GSDMC: variants seen among roughly 807,000 people sequenced by gnomAD.
GSDMC encodes the protein gasdermin C.
In GSDMC, 59 loss-of-function variants were observed where a neutral mutation model predicts 58.0. That is an observed-to-expected ratio of 1.02 (90% CI 0.82 to 1.26). The LOEUF (loss-of-function observed/expected upper bound fraction) is 1.26, where lower values mean the gene tolerates loss of function less well. Among genes scored for constraint, GSDMC ranks in the 50% most tolerant of loss-of-function variants. The probability of loss-of-function intolerance (pLI) is 0.00; values close to 1 mark genes in which losing one functional copy is unlikely to be tolerated. For synonymous variants in GSDMC, 241 were observed against 220.2 expected, an observed-to-expected ratio of 1.09 and a Z score of -0.83; for missense variants, 659 against 598.5, an observed-to-expected ratio of 1.10 and a Z score of -1.06.
chr8:129,762,763 A>G (rs1407608982), intron 4 of GSDMC, 32 bp from the exon 5 acceptor site: 2 of 1,421,764 alleles, frequency 1.4e-6, no homozygotes, highest in Non-Finnish European at 2.0e-6. Context: ...TACAGTATTA[A>G]ATGTATGTAA....
chr8:129,751,646 T>A, intron 9 of GSDMC, 78 bp from the exon 10 acceptor site: 1 of 1,332,342 alleles, frequency 7.5e-7, no homozygotes, highest in Non-Finnish European at 1.1e-6. Flanking sequence ...AGGGTTCTGC[T>A]CTCCTACCAC....
the GSDMC span, among the ~76,000 whole-genome samples, chr8:129,720,667 T>G: frequency 4.6e-5 from 7 of 152,248 alleles, no homozygotes; most frequent in Admixed American, 4.6e-4. Flanking sequence ...GCAATAGTAA[T>G]GTCAGCTTAT....
At chr8:129,752,645 C>T (rs1184673728) in intron 7 of GSDMC, 53 bp downstream of exon 7, 10 of 1,600,150 alleles carry the variant, frequency 6.2e-6, no homozygotes, top group Non-Finnish European at 8.5e-6. Context: ...CAACTATCTG[C>T]ACAAAGAAAA....
chr8:129,731,542 G>A, the GSDMC span, among the ~76,000 whole-genome samples: 93 of 152,372 alleles, frequency 6.1e-4, no homozygotes, highest in East Asian at 3.3e-3. Context: ...CCTGGAGTGT[G>A]AGGCAAGAGG....
intron 1 of GSDMC, among the ~76,000 whole-genome samples, chr8:129,778,764 GAAA>G (rs57864141): frequency 1.4e-4 from 20 of 141,292 alleles, no homozygotes; most frequent in Middle Eastern, 7.6e-3. Flanking sequence ...CAATTTACAA[GAAA>G]AAAAAAAAAA....
the GSDMC span, chr8:129,729,417 C>T: frequency 2.8e-5 from 10 of 355,168 alleles, no homozygotes; most frequent in Non-Finnish European, 4.2e-5. Flanking sequence ...CCCATTAACT[C>T]ATCATTTACA....
intron 2 of GSDMC, among the ~76,000 whole-genome samples, chr8:129,776,944 A>G (rs1009438529): frequency 7.5e-6 from 1 of 133,246 alleles, no homozygotes; most frequent in South Asian, 2.5e-4. Flanking sequence ...TTTTTTTTGT[A>G]TTTTTAATAG....
At chr8:129,760,661 C>T in intron 5 of GSDMC, 72 bp from the exon 6 acceptor site, 1 of 305,984 alleles carries the variant, frequency 3.3e-6, no homozygotes, top group Non-Finnish European at 5.3e-6. Flanking sequence ...CAGGGAACTC[C>T]TTATATCAAA....
At chr8:129,732,121 A>G in the GSDMC span, among the ~76,000 whole-genome samples, 2 of 152,140 alleles carry the variant, frequency 1.3e-5, no homozygotes, top group Admixed American at 6.5e-5. Context: ...CTCTCTCAGG[A>G]CTGGGATTAA....
the GSDMC span, among the ~76,000 whole-genome samples, chr8:129,726,744 G>C: frequency 6.6e-6 from 1 of 151,682 alleles, no homozygotes; most frequent in African/African-American, 2.4e-5. Flanking sequence ...CTCCATGCAG[G>C]CTCCCTTCCA....
At chr8:129,780,711 T>G (rs1172960825) in intron 1 of GSDMC, among the ~76,000 whole-genome samples, 1 of 152,144 alleles carries the variant, frequency 6.6e-6, no homozygotes, top group African/African-American at 2.4e-5. Flanking sequence ...GGTACAAAAC[T>G]CAATGGTAGT....
rs544515746 is a variant in GSDMC, at chr8:129,770,095, A to T, written c.405-4302T>A. Among the ~76,000 whole-genome samples, 33 of 152,348 alleles carry T rather than the reference A, an allele frequency of 2.2e-4. No homozygotes were observed. In the South Asian group the frequency reaches 6.2e-3, roughly 29 times the overall value. On this transcript the variant is annotated intron_variant, in intron 3 of 13. Transcript: ENST00000276708. Reference sequence around the variant, plus strand: ...TAACTCTATAATAATTTCTTATTAGATATACAATATAAAAATATGTGAATC... The same window carrying T: ...TAACTCTATAATAATTTCTTATTAGTTATACAATATAAAAATATGTGAATC...
chr8:129,745,252 T>C (rs1373047874), downstream of GSDMC, among the ~76,000 whole-genome samples: 5 of 152,234 alleles, frequency 3.3e-5, no homozygotes, highest in African/African-American at 1.2e-4. Context: ...TGAAACCTTT[T>C]TCATATGGCT....
At position 129,749,444 on chromosome 8, in the gene GSDMC, G is replaced by T. The variant is rs181678317; in HGVS notation, c.1287+8C>A. 5 of 1,604,034 alleles carry T rather than the reference G, an allele frequency of 3.1e-6. No homozygotes were observed. The South Asian group carries it at 3.3e-5, about 11-fold the overall frequency. On this transcript the variant is annotated splice_region_variant and intron_variant, in intron 13 of 13. Coordinates refer to ENST00000276708, the MANE Select transcript of GSDMC (RefSeq NM_031415.3). ...TCCCTGAACTTCTGGCCCCTGGGAA[G>T]TTCTCACCAGCTCCTGTTGCTGAAG...
chr8:129,767,252 ACT>A (rs2033893682), intron 3 of GSDMC, among the ~76,000 whole-genome samples: 1 of 151,574 alleles, frequency 6.6e-6, no homozygotes, highest in African/African-American at 2.4e-5. Flanking sequence ...CTCCACAACA[ACT>A]CTGCCCAGCC....
chr8:129,784,869 TAAAC>T (rs1179947039), intron 1 of GSDMC, among the ~76,000 whole-genome samples: 1 of 152,088 alleles, frequency 6.6e-6, no homozygotes, highest in Non-Finnish European at 1.5e-5. Flanking sequence ...AATGAACAGG[TAAAC>T]AAAATGTGGT....
intron 1 of GSDMC, among the ~76,000 whole-genome samples, chr8:129,777,877 A>G (rs2034290451): frequency 6.6e-6 from 1 of 152,058 alleles, no homozygotes. Context: ...ACACCATCAC[A>G]CCTGGCTTCC....
the GSDMC span, among the ~76,000 whole-genome samples, chr8:129,738,407 A>G: frequency 2.0e-5 from 3 of 152,218 alleles, no homozygotes; most frequent in Non-Finnish European, 4.4e-5. Context: ...AGCCAACCCA[A>G]ATGTTCATCA....
chr8:129,725,397 G>T, the GSDMC span, among the ~76,000 whole-genome samples: 3,795 of 152,188 alleles, frequency 0.025, 65 homozygotes, highest in Middle Eastern at 0.14. Flanking sequence ...AGTTGATATT[G>T]TGTACTCTGC....
Sources: gnomAD v4.1 joint callset for allele counts (sites outside exome capture counted in the v4.1 genomes callset) on GRCh38, gnomAD v4.1.1 for gene constraint, MANE v1.5 for transcripts, NCBI Gene and HGNC (gene_info 2026-07-23, HGNC 2026-07-21) for gene names.